Variants in PROM1 observed in about 807,000 individuals in gnomAD.
The protein encoded by PROM1 is prominin 1.
A neutral mutation model predicts 116.9 loss-of-function variants in PROM1; 105 were observed. The observed-to-expected ratio is 0.90, with a 90% confidence interval of 0.77 to 1.06. PROM1 has a LOEUF of 1.06. Ranked by LOEUF, PROM1 falls within the 50% of genes least tolerant of loss-of-function variation. The pLI, the probability that PROM1 is intolerant of heterozygous loss-of-function variation, is 0.00. For synonymous variants in PROM1, 393 were observed against 387.0 expected (o/e 1.02, Z -0.18); for missense variants, 1,122 against 1,045.2 (o/e 1.07, Z -1.01).
chr4:15,998,625 T>A, intron 14 of PROM1, 137 bp from the exon 15 acceptor site: 9 of 952,584 alleles, frequency 9.4e-6, no homozygotes, highest in Non-Finnish European at 8.5e-6. Flanking sequence ...TTCCAACTTA[T>A]AACTAGAAAA....
At chr4:15,998,528 A>G (rs1722885917) in intron 14 of PROM1, 40 bp from the exon 15 acceptor site, 1 of 1,503,352 alleles carries the variant, frequency 6.7e-7, no homozygotes, top group African/African-American at 1.4e-5. Flanking sequence ...AATCAGTTTT[A>G]CACTAACATA....
chr4:15,991,333 A>G (rs1309460098), intron 17 of PROM1, 40 bp from the exon 18 acceptor site: 6 of 1,422,182 alleles, frequency 4.2e-6, no homozygotes, highest in Non-Finnish European at 5.8e-6. Context: ...TGGATATGGG[A>G]TCTTTAAGCC....
rs1316093578 is a variant in PROM1 at position 16,083,982 on chromosome 4, G to C, written c.-217C>G. Reference sequence around the variant, plus strand: ...GGATTCCTTAAACATACTCACCGCGGCGGGAGAGCTGAGAGCATGGCCAGG... The same window carrying C: ...GGATTCCTTAAACATACTCACCGCGCCGGGAGAGCTGAGAGCATGGCCAGG... On this transcript the variant is annotated 5_prime_UTR_variant, in exon 1 of 28. Transcript: ENST00000447510. 1 of 152,334 alleles carries C rather than the reference G, an allele frequency of 6.6e-6. No individual in the cohort carries two copies. Among genetic ancestry groups the C allele is most frequent in the Admixed American group, 6.5e-5 (1 of 15,290 alleles). The allele number at this position is 152,334 out of a possible 1,614,324, so 9.4% of individuals were successfully genotyped here. A position where few individuals can be genotyped will look rare whatever the true frequency, so the allele number is the denominator to read the frequency against.
chr4:16,066,253 A>T (rs1741512574), intron 2 of PROM1, among the ~76,000 whole-genome samples: 2 of 151,878 alleles, frequency 1.3e-5, no homozygotes, highest in Admixed American at 1.3e-4. Flanking sequence ...TGTCCATGTC[A>T]TCACCAAGAC....
At chr4:16,000,836 C>T (rs1723624575) in intron 13 of PROM1, among the ~76,000 whole-genome samples, 1 of 151,750 alleles carries the variant, frequency 6.6e-6, no homozygotes, top group Admixed American at 6.6e-5. Flanking sequence ...GGCCTGGGGA[C>T]CTGGGGAGGG....
At position 15,992,238 on chromosome 4, in the gene PROM1, T is replaced by C. The variant is rs752963701; in HGVS notation, c.1911+10A>G. 1.9e-6 allele frequency: 3 copies of C among 1,613,344 alleles called. No homozygotes were observed. The highest frequency in any genetic ancestry group is 1.3e-5 in the African/African-American group (1 of 75,002). On this transcript the variant is annotated intron_variant, in intron 17 of 27. Transcript: ENST00000447510. ...TCCTAAAGGATCAAGCATGAACACA[T>C]GCGCCATACCTGAGCCAAGTAGCTG... is the stretch of plus-strand genomic sequence containing the variant.
chr4:16,025,092 T>C, intron 6 of PROM1, 100 bp downstream of exon 6: 2 of 1,383,786 alleles, frequency 1.4e-6, no homozygotes, highest in Non-Finnish European at 9.9e-7. Flanking sequence ...GCTGATTCAC[T>C]GTGTTTCTAG....
In PROM1 at chr4:15,985,780, G is replaced by T; in HGVS notation, c.2260C>A (p.Leu754Met). 1 of 1,491,030 alleles carries T rather than the reference G, an allele frequency of 6.7e-7. No homozygotes were observed. Among genetic ancestry groups the T allele is most frequent in the Non-Finnish European group, 9.1e-7 (1 of 1,101,480 alleles). 92.4% of individuals were successfully genotyped at this position (1,491,030 alleles called of 1,614,324 possible). The change falls in exon 22 of 28, where the codon CTG (leucine) becomes ATG (methionine). Residue 754 changes from leucine to methionine, a missense_variant. Physicochemically the swap from Leu to Met is conservative, Grantham distance 15. Coordinates refer to ENST00000447510, the MANE Select transcript of PROM1 (RefSeq NM_006017.3). ...RTIIGYFEHY[L>M]QWIEFSISEK... ...CTTACAGAGAACTCGATCCACTGCA[G>T]ATAATGTTCAAAATATCCTATTATT...
intron 2 of PROM1, among the ~76,000 whole-genome samples, chr4:16,049,975 T>A (rs1305687712): frequency 6.6e-6 from 1 of 152,106 alleles, no homozygotes; most frequent in Admixed American, 6.5e-5. Flanking sequence ...ATAAATTTGA[T>A]GTTTGGGCAG....
intron 17 of PROM1, 133 bp downstream of exon 17, chr4:15,992,115 C>A: frequency 8.7e-7 from 1 of 1,155,280 alleles, no homozygotes; most frequent in African/African-American, 1.6e-5. Context: ...CTCAATGCCA[C>A]CGAATTGCTC....
intron 1 of PROM1, among the ~76,000 whole-genome samples, chr4:16,078,506 G>C (rs572666343): frequency 6.6e-6 from 1 of 152,196 alleles, no homozygotes; most frequent in African/African-American, 2.4e-5. Flanking sequence ...TTCCTTGTGC[G>C]GTTTCATGAG....
chr4:16,016,280 C>A lies in PROM1; in HGVS notation c.1003-40G>T, dbSNP rs1305738030. On this transcript the variant is annotated intron_variant, in intron 9 of 27. Coordinates refer to ENST00000447510, the MANE Select transcript of PROM1 (RefSeq NM_006017.3). ...AACAAAATATAAGACAAGGTTGTTA[C>A]CTTCAAAACAATTCCTCATGAAGAA... 14 of 1,455,234 alleles carry A rather than the reference C, an allele frequency of 9.6e-6. 1 individual carries two copies. In the South Asian group the frequency reaches 1.5e-4, roughly 16 times the overall value. 90.1% of individuals were successfully genotyped at this position (1,455,234 alleles called of 1,614,324 possible).
At chr4:16,006,078 C>A (rs1725391622) in intron 13 of PROM1, among the ~76,000 whole-genome samples, 1 of 152,210 alleles carries the variant, frequency 6.6e-6, no homozygotes, top group South Asian at 2.1e-4. Context: ...TCTGCCTTGG[C>A]AGCCTTAGTT....
chr4:15,993,242 A>T (rs1360376052), intron 16 of PROM1, among the ~76,000 whole-genome samples: 1 of 152,098 alleles, frequency 6.6e-6, no homozygotes, highest in African/African-American at 2.4e-5. Flanking sequence ...TTCCCTTGGG[A>T]TCCCTTTGTT....
chr4:15,984,164 C>G (rs1718681282), intron 23 of PROM1, 99 bp downstream of exon 23: 7 of 1,027,716 alleles, frequency 6.8e-6, no homozygotes, highest in Non-Finnish European at 1.0e-5. Flanking sequence ...TTTGGATTCT[C>G]TCAAGCAGAA....
chr4:15,988,927 G>A (rs1720220798), intron 19 of PROM1, among the ~76,000 whole-genome samples: 1 of 152,164 alleles, frequency 6.6e-6, no homozygotes, highest in East Asian at 1.9e-4. Context: ...GGATGTTGGG[G>A]CTAAGTGGAT....
chr4:16,036,395 A>G (rs1655016134), intron 3 of PROM1, among the ~76,000 whole-genome samples: 3 of 152,200 alleles, frequency 2.0e-5, no homozygotes, highest in South Asian at 4.1e-4. Flanking sequence ...AGGGAACACC[A>G]TTTGTGATGG....
chr4:15,973,953 G>A (rs902172336), intron 26 of PROM1, among the ~76,000 whole-genome samples: 5 of 152,130 alleles, frequency 3.3e-5, no homozygotes, highest in Admixed American at 1.3e-4. Context: ...CATCCTGCCC[G>A]GTTCCTGGGG....
intron 2 of PROM1, among the ~76,000 whole-genome samples, chr4:16,052,664 A>G (rs550529359): frequency 6.6e-6 from 1 of 152,246 alleles, no homozygotes; most frequent in East Asian, 1.9e-4. Context: ...TATTTTTTCT[A>G]GAAACGAGGC....
Sources: gnomAD v4.1 joint callset for allele counts (sites outside exome capture counted in the v4.1 genomes callset) on GRCh38, gnomAD v4.1.1 for gene constraint, MANE v1.5 for transcripts, NCBI Gene and HGNC (gene_info 2026-07-23, HGNC 2026-07-21) for gene names.